Variants in PPFIA2 observed in about 807,000 individuals in gnomAD.
PPFIA2 encodes liprin-alpha-2.
A neutral mutation model predicts 175.5 loss-of-function variants in PPFIA2; 46 were observed. The ratio of observed to expected loss-of-function variants is 0.26; its 90% CI spans 0.21 to 0.34. PPFIA2 has a LOEUF of 0.34. Ranked by LOEUF, PPFIA2 falls within the 10% of genes least tolerant of loss-of-function variation. PPFIA2 has a pLI of 1.00. For missense variants in PPFIA2, 1,179 were observed against 1,506.1 expected, an observed-to-expected ratio of 0.78 and a Z score of 3.60; for synonymous variants, 568 against 511.4, an observed-to-expected ratio of 1.11 and a Z score of -1.49.
chr12:81,646,779 G>A (rs1365256012), intron 4 of PPFIA2, among the ~76,000 whole-genome samples: 1 of 152,032 alleles, frequency 6.6e-6, no homozygotes, highest in African/African-American at 2.4e-5. Context: ...ATAAAGGGGA[G>A]TGGACATTCA....
At chr12:81,715,785 C>A (rs1161560319) in intron 3 of PPFIA2, among the ~76,000 whole-genome samples, 1 of 151,664 alleles carries the variant, frequency 6.6e-6, no homozygotes, top group East Asian at 1.9e-4. Flanking sequence ...AAGCTAATGG[C>A]ATTATGCTCC....
At chr12:81,266,903 AT>A (rs1428024074) in intron 30 of PPFIA2, 48 bp downstream of exon 30, 2 of 1,333,298 alleles carry the variant, frequency 1.5e-6, no homozygotes, top group Admixed American at 1.8e-5. Context: ...ATGTTCTATC[AT>A]TTTTCTTTTA....
At chr12:81,305,111 CTTCTT>C (rs1011654920) in intron 22 of PPFIA2, among the ~76,000 whole-genome samples, 38 of 152,096 alleles carry the variant, frequency 2.5e-4, no homozygotes, top group Non-Finnish European at 5.3e-4. Flanking sequence ...GGCAAATTAA[CTTCTT>C]ACCAGCTATG....
intron 4 of PPFIA2, among the ~76,000 whole-genome samples, chr12:81,627,748 A>C (rs1397502188): frequency 6.6e-6 from 1 of 152,174 alleles, no homozygotes; most frequent in East Asian, 1.9e-4. Context: ...TTTTCCTTGG[A>C]ATTTCAATTA....
chr12:81,706,195 T>C (rs1922546), intron 3 of PPFIA2, among the ~76,000 whole-genome samples: 108,177 of 152,030 alleles, frequency 0.71, 41,638 homozygotes, highest in Non-Finnish European at 0.86. Flanking sequence ...ATACGGAGTT[T>C]GCAAAATTCT....
intron 15 of PPFIA2, 103 bp downstream of exon 15, chr12:81,362,590 C>A: frequency 1.5e-6 from 1 of 663,838 alleles, no homozygotes; most frequent in South Asian, 2.5e-5. Flanking sequence ...GACTAGTGAG[C>A]AATAGGAAGT....
chr12:81,291,135 T>C (rs1388329042), intron 24 of PPFIA2, among the ~76,000 whole-genome samples: 1 of 151,908 alleles, frequency 6.6e-6, no homozygotes. Flanking sequence ...GTGAAAAAAT[T>C]AACATTGATT....
chr12:81,273,989 C>G lies in PPFIA2; in HGVS notation c.3310+3328G>C, dbSNP rs559093909. Among the ~76,000 whole-genome samples, 6 of 150,764 alleles carry G rather than the reference C, an allele frequency of 4.0e-5. No individual in the cohort carries two copies. The East Asian group carries it at 1.2e-3, about 30-fold the overall frequency. On this transcript the variant is annotated intron_variant, in intron 28 of 32. Coordinates refer to ENST00000549396, the MANE Select transcript of PPFIA2 (RefSeq NM_003625.5). ...TGTTAATTGTCTCTCTGAGTCAGTT[C>G]TGAAGTGTAGCTTTTCCTCCGAGTT...
intron 8 of PPFIA2, among the ~76,000 whole-genome samples, chr12:81,392,017 C>A (rs1411158763): frequency 6.6e-6 from 1 of 151,820 alleles, no homozygotes. Flanking sequence ...AGGTGTTGAG[C>A]AGAGGAGTGA....
At chr12:81,275,779 C>T (rs1362087226) in intron 28 of PPFIA2, among the ~76,000 whole-genome samples, 8 of 141,320 alleles carry the variant, frequency 5.7e-5, no homozygotes, top group South Asian at 4.5e-4. Flanking sequence ...ATATTTTCTT[C>T]TTTTTTTTTT....
chr12:81,276,466 C>T (rs2040560210), intron 28 of PPFIA2, among the ~76,000 whole-genome samples: 1 of 151,938 alleles, frequency 6.6e-6, no homozygotes, highest in Non-Finnish European at 1.5e-5. Flanking sequence ...GTATTTTTTT[C>T]CTTCAACAAC....
At chr12:81,406,442 T>C (rs1379289134) in intron 7 of PPFIA2, among the ~76,000 whole-genome samples, 1 of 152,112 alleles carries the variant, frequency 6.6e-6, no homozygotes, top group African/African-American at 2.4e-5. Flanking sequence ...TTAAATTTGT[T>C]TTATTATTAT....
At chr12:81,281,553 G>A (rs1386913008) in intron 26 of PPFIA2, 103 bp from the exon 27 acceptor site, 4 of 764,648 alleles carry the variant, frequency 5.2e-6, no homozygotes, top group African/African-American at 3.6e-5. Context: ...ACTATGATAT[G>A]TGGAAACAAA....
intron 3 of PPFIA2, among the ~76,000 whole-genome samples, chr12:81,707,038 T>C (rs570835705): frequency 2.0e-5 from 3 of 152,104 alleles, no homozygotes; most frequent in African/African-American, 2.4e-5. Flanking sequence ...GATTAAAGAC[T>C]TAAACGTTAG....
intron 4 of PPFIA2, among the ~76,000 whole-genome samples, chr12:81,539,020 AG>A (rs2065825683): frequency 6.6e-6 from 1 of 151,910 alleles, no homozygotes; most frequent in South Asian, 2.1e-4. Flanking sequence ...GCAGCAATAG[AG>A]GTGGCGAAAT....
intron 4 of PPFIA2, among the ~76,000 whole-genome samples, chr12:81,467,826 C>T (rs1312944949): frequency 6.6e-6 from 1 of 152,166 alleles, no homozygotes; most frequent in Non-Finnish European, 1.5e-5. Context: ...ACAAGTCTGA[C>T]CAGAATCCAG....
chr12:81,625,613 TA>T (rs1399023779), intron 4 of PPFIA2, among the ~76,000 whole-genome samples: 3 of 151,764 alleles, frequency 2.0e-5, no homozygotes, highest in Non-Finnish European at 4.4e-5. Flanking sequence ...CTAAGGCTGT[TA>T]ATGAATTTTA....
chr12:81,596,044 A>G (rs1038567454), intron 4 of PPFIA2, among the ~76,000 whole-genome samples: 4 of 152,130 alleles, frequency 2.6e-5, no homozygotes, highest in Admixed American at 2.6e-4. Context: ...TTTTTGACAA[A>G]TGGTCTGTTA....
intron 4 of PPFIA2, among the ~76,000 whole-genome samples, chr12:81,581,608 A>C (rs1042267153): frequency 4.6e-5 from 7 of 151,664 alleles, no homozygotes; most frequent in African/African-American, 1.7e-4. Context: ...TTATTTTGCT[A>C]TTATCTATTT....
Sources: allele counts gnomAD v4.1 joint callset (sites outside exome capture counted in the v4.1 genomes callset), GRCh38; gene constraint gnomAD v4.1.1; transcripts MANE v1.5; gene names NCBI Gene and HGNC (gene_info 2026-07-23, HGNC 2026-07-21).